MYL1: variants seen among roughly 807,000 people sequenced by gnomAD.
The protein encoded by MYL1 is myosin light chain 1.
MYL1 carries 16 observed loss-of-function variants against 21.8 expected under a neutral mutation model. The ratio of observed to expected loss-of-function variants is 0.74; its 90% CI spans 0.50 to 1.12. MYL1 has a LOEUF of 1.12. MYL1 is among the 50% of genes most tolerant of loss of function. The pLI is 0.00. For missense variants in MYL1, 246 were observed against 241.0 expected, an observed-to-expected ratio of 1.02 and a Z score of -0.14; for synonymous variants, 99 against 85.2, an observed-to-expected ratio of 1.16 and a Z score of -0.89.
chr2:210,309,944 T>A (rs1166530630), intron 1 of MYL1, among the ~76,000 whole-genome samples: 3 of 152,094 alleles, frequency 2.0e-5, no homozygotes, highest in Non-Finnish European at 4.4e-5. Flanking sequence ...CATCAAAATA[T>A]AATTCTAGAG....
intron 4 of MYL1, 109 bp from the exon 5 acceptor site, chr2:210,293,909 A>T: frequency 1.1e-6 from 1 of 920,756 alleles, no homozygotes; most frequent in Non-Finnish European, 1.7e-6. Flanking sequence ...ACATATAGGA[A>T]CTGTGACTTT....
At position 210,314,980 on chromosome 2, in the gene MYL1, T is replaced by C. The variant is rs374355345; in HGVS notation, c.63A>G (p.Ala21=). The change falls in exon 1 of 7, where the codon GCA becomes GCG. Residue 21 remains alanine, a synonymous_variant. Transcript: ENST00000352451. ...VAAAAAAPAP[A]PAPAPAPAPA... ...GGGCAGGGGCAGGTGCAGGTGCCGG[T>C]GCCGGGGCTGGGGCAGCCGCAGCCG... The C allele has an allele frequency of 1.1e-5, 17 of 1,612,396 alleles. No individual in the cohort carries two copies. Among genetic ancestry groups the C allele is most frequent in the Non-Finnish European group, 1.4e-5 (17 of 1,179,468 alleles).
Position 210,298,411 on chromosome 2 carries a change from A to T in MYL1, c.304+9T>A. The T allele has an allele frequency of 1.2e-6, 2 of 1,613,526 alleles. No individual in the cohort carries two copies. The highest frequency in any genetic ancestry group is 1.7e-6 in the Non-Finnish European group (2 of 1,179,794). On this transcript the variant is annotated intron_variant, in intron 3 of 6. Coordinates refer to ENST00000352451, the MANE Select transcript of MYL1 (RefSeq NM_079420.3). The stretch of plus-strand genomic sequence containing the variant: ...ACTTCCACACTTCTTGGAAAAATTG[A>T]TGGGTTACCTTCATTGCTGGGGTTT...
intron 1 of MYL1, chr2:210,302,725 G>A (rs1217450803): frequency 6.4e-7 from 1 of 1,555,876 alleles, no homozygotes; most frequent in Non-Finnish European, 8.7e-7. Context: ...AAACTAGGCA[G>A]TGCTGTGCCT....
At chr2:210,292,726 G>A (rs1046231992) in intron 5 of MYL1, among the ~76,000 whole-genome samples, 1 of 152,054 alleles carries the variant, frequency 6.6e-6, no homozygotes, top group Non-Finnish European at 1.5e-5. Flanking sequence ...TAATTCTTCT[G>A]TGATTTTTGT....
At chr2:210,297,558 A>T (rs1690196546) in intron 3 of MYL1, among the ~76,000 whole-genome samples, 1 of 150,772 alleles carries the variant, frequency 6.6e-6, no homozygotes, top group South Asian at 2.1e-4. Flanking sequence ...CATATTTTGG[A>T]TATTAATCCC....
intron 1 of MYL1, among the ~76,000 whole-genome samples, chr2:210,314,654 G>A (rs1391091992): frequency 6.6e-6 from 1 of 152,148 alleles, no homozygotes. Flanking sequence ...CAGTATAAGT[G>A]CAATTTAGGA....
intron 1 of MYL1, chr2:210,302,843 A>G: frequency 2.0e-6 from 3 of 1,538,292 alleles, no homozygotes; most frequent in Non-Finnish European, 1.8e-6. Context: ...ACTCTTTCAA[A>G]TGCATTGACA....
At chr2:210,296,500 T>G (rs890178841) in intron 3 of MYL1, among the ~76,000 whole-genome samples, 1 of 151,984 alleles carries the variant, frequency 6.6e-6, no homozygotes, top group Admixed American at 6.6e-5. Flanking sequence ...AAAAATAAGG[T>G]TTCTGTTGGG....
At chr2:210,309,959 T>C (rs945828325) in intron 1 of MYL1, among the ~76,000 whole-genome samples, 2 of 152,050 alleles carry the variant, frequency 1.3e-5, no homozygotes, top group Admixed American at 6.6e-5. Flanking sequence ...CTAGAGAAAA[T>C]TACAAAATGC....
At chr2:210,297,464 T>C (rs1362492994) in intron 3 of MYL1, among the ~76,000 whole-genome samples, 6 of 152,004 alleles carry the variant, frequency 3.9e-5, no homozygotes, top group Admixed American at 3.9e-4. Context: ...TATATCTTCT[T>C]TTGAAGGATG....
chr2:210,297,521 T>G (rs1690195791), intron 3 of MYL1, among the ~76,000 whole-genome samples: 1 of 115,732 alleles, frequency 8.6e-6, no homozygotes, highest in Admixed American at 7.9e-5. Flanking sequence ...ATTCGTGGGT[T>G]TTTTTTTTTG....
intron 2 of MYL1, among the ~76,000 whole-genome samples, chr2:210,302,228 G>C (rs528525837): frequency 6.6e-6 from 1 of 151,870 alleles, no homozygotes; most frequent in African/African-American, 2.4e-5. Flanking sequence ...TATCAAATTG[G>C]TTTTATTTAG....
At chr2:210,300,493 C>T (rs975065435) in intron 2 of MYL1, among the ~76,000 whole-genome samples, 1 of 152,024 alleles carries the variant, frequency 6.6e-6, no homozygotes, top group African/African-American at 2.4e-5. Flanking sequence ...GTTGTTTTTA[C>T]AGAGTCTATA....
intron 1 of MYL1, among the ~76,000 whole-genome samples, chr2:210,314,441 G>A (rs887386768): frequency 6.6e-6 from 1 of 152,146 alleles, no homozygotes; most frequent in Non-Finnish European, 1.5e-5. Flanking sequence ...TCAGAAGAAG[G>A]AAAGTAACTG....
intron 1 of MYL1, among the ~76,000 whole-genome samples, chr2:210,309,175 A>G (rs753106201): frequency 2.6e-5 from 4 of 152,076 alleles, no homozygotes; most frequent in African/African-American, 7.2e-5. Flanking sequence ...TGAGTTTTCT[A>G]TCCTTTTGTC....
intron 5 of MYL1, among the ~76,000 whole-genome samples, chr2:210,292,063 A>G (rs1376427040): frequency 6.6e-6 from 1 of 152,024 alleles, no homozygotes; most frequent in Non-Finnish European, 1.5e-5. Flanking sequence ...ATCTCAGTGT[A>G]GTTTTATATT....
chr2:210,314,900 C>T lies in MYL1; in HGVS notation c.132+11G>A, dbSNP rs749511009. ...TGTTTCAGTGACCAAACAGTTCATC[C>T]ATTTAGTTACCTTAATGGCAGAGAG... On this transcript the variant is annotated intron_variant, in intron 1 of 6. Transcript: ENST00000352451. 13 of 1,613,638 alleles carry T rather than the reference C, an allele frequency of 8.1e-6. No individual in the cohort carries two copies. The highest frequency in any genetic ancestry group is 1.3e-5 in the African/African-American group (1 of 74,880).
intron 1 of MYL1, among the ~76,000 whole-genome samples, chr2:210,304,953 T>C (rs1690318373): frequency 6.6e-6 from 1 of 152,224 alleles, no homozygotes; most frequent in Admixed American, 6.5e-5. Context: ...GGAAAAGTGG[T>C]ACAGGAAAAG....
Sources: allele counts gnomAD v4.1 joint callset (sites outside exome capture counted in the v4.1 genomes callset), GRCh38; gene constraint gnomAD v4.1.1; transcripts MANE v1.5; gene names NCBI Gene and HGNC (gene_info 2026-07-23, HGNC 2026-07-21).